Variants in PLXND1 observed in about 807,000 individuals in gnomAD.
PLXND1 encodes plexin D1.
A neutral mutation model predicts 197.7 loss-of-function variants in PLXND1; 54 were observed. The observed-to-expected ratio is 0.27, with a 90% CI of 0.22 to 0.34. The LOEUF is 0.34. Ranked by LOEUF, PLXND1 falls within the 10% of genes least tolerant of loss-of-function variation. PLXND1 has a pLI of 1.00. For missense variants in PLXND1, 2,127 were observed against 2,699.2 expected (o/e 0.79, Z 4.70); for synonymous variants, 1,180 against 1,161.2 (o/e 1.02, Z -0.33).
rs775895601 is a variant in PLXND1 at position 129,577,997 on chromosome 3, G to A, written c.2346+332C>T. Reference sequence around the variant, plus strand: ...CAGGGTCACAGCTCAGGCTAAGGGAGGACAGGATAGGGCAGCGTCCACCCT... The same window carrying A: ...CAGGGTCACAGCTCAGGCTAAGGGAAGACAGGATAGGGCAGCGTCCACCCT... On this transcript the variant is annotated intron_variant, in intron 9 of 35. Coordinates refer to ENST00000324093, the MANE Select transcript of PLXND1 (RefSeq NM_015103.3). This position sits in a 1 kb window ranked among gnomAD's most constrained non-coding sequence, Gnocchi z 5.0. Among the ~76,000 whole-genome samples, 1 of 152,194 alleles carries A rather than the reference G, an allele frequency of 6.6e-6. No homozygotes were observed. The highest frequency in any genetic ancestry group is 1.5e-5 in the Non-Finnish European group (1 of 68,020).
rs1450865448 is a variant in PLXND1 at position 129,561,686 on chromosome 3, G to A, written c.4953C>T (p.Ala1651=). 6.2e-7 allele frequency: 1 copy of A among 1,608,402 alleles called. No individual in the cohort carries two copies. The part of the protein sequence containing the change: ...HYKIPEGASL[A]MSLIDKKDNT... ...TGTCCTTCTTGTCTATGAGACTCAT[G>A]GCCAGGGAGGCACCTTCAGGGATCT... The change falls in exon 29 of 36, where the codon GCC becomes GCT. Residue 1651 remains alanine (A), a synonymous_variant. Coordinates refer to ENST00000324093, the MANE Select transcript of PLXND1 (RefSeq NM_015103.3).
chr3:129,556,198 C>T lies in PLXND1; in HGVS notation c.*114G>A, dbSNP rs1285492884. On this transcript the variant is annotated 3_prime_UTR_variant, in exon 36 of 36. Coordinates refer to ENST00000324093, the MANE Select transcript of PLXND1 (RefSeq NM_015103.3). ...CCCCTCCTCCTGCCCCCGCCCCAGC[C>T]GTCTCTGCTCAGTATTTCCCAGTCT... 5 of 778,018 alleles carry T rather than the reference C, an allele frequency of 6.4e-6. No individual in the cohort carries two copies. Among genetic ancestry groups the T allele is most frequent in the Admixed American group, 2.0e-5 (1 of 51,218 alleles). The allele number at this position is 778,018 out of a possible 1,614,324, so 48.2% of individuals were successfully genotyped here.
intron 1 of PLXND1, among the ~76,000 whole-genome samples, chr3:129,596,604 T>C (rs953462339): frequency 6.6e-6 from 1 of 152,126 alleles, no homozygotes; most frequent in Non-Finnish European, 1.5e-5. Context: ...CTGGAACAGT[T>C]TCCCTCCCAG....
At chr3:129,585,839 T>C (rs547599808) in intron 5 of PLXND1, 113 bp downstream of exon 5, 1 of 1,401,112 alleles carries the variant, frequency 7.1e-7, no homozygotes, top group East Asian at 2.3e-5. Flanking sequence ...ATTATTTGTC[T>C]TCAGGTCCTT....
chr3:129,595,327 C>G (rs1327371183), intron 1 of PLXND1, among the ~76,000 whole-genome samples: 1 of 152,232 alleles, frequency 6.6e-6, no homozygotes, highest in Non-Finnish European at 1.5e-5. Context: ...TGTGTGCCAG[C>G]CCTGGGAGGG....
chr3:129,561,746 G>T, intron 28 of PLXND1, 37 bp from the exon 29 acceptor site: 1 of 1,540,334 alleles, frequency 6.5e-7, no homozygotes. Flanking sequence ...AGAGGCCGGA[G>T]GTTGGGGTGG....
At chr3:129,592,248 G>C (rs994717709) in intron 1 of PLXND1, among the ~76,000 whole-genome samples, 1 of 152,152 alleles carries the variant, frequency 6.6e-6, no homozygotes, top group Non-Finnish European at 1.5e-5. Flanking sequence ...ACCAGGCGGG[G>C]TCCCACCCCT....
intron 1 of PLXND1, among the ~76,000 whole-genome samples, chr3:129,592,270 C>A (rs763023359): frequency 7.2e-5 from 11 of 152,330 alleles, no homozygotes; most frequent in Admixed American, 3.3e-4. Context: ...AGCAATCCTG[C>A]AGCTGCAGGG....
chr3:129,585,882 G>C, intron 5 of PLXND1, 70 bp downstream of exon 5: 1 of 1,599,460 alleles, frequency 6.3e-7, no homozygotes, highest in Non-Finnish European at 8.6e-7. Context: ...CCACCTCTCG[G>C]GGCCTGGGTG....
Position 129,559,794 on chromosome 3 carries a change from G to A in PLXND1, c.5134-11C>T, listed in dbSNP as rs1209926390. On this transcript the variant is annotated splice_polypyrimidine_tract_variant and intron_variant, in intron 31 of 35. Transcript: ENST00000324093. ...CTTCTGCAACGTGCCCTGCGGGGGA[G>A]TGGGGTGGCCGCCGTCAGCCCCGGG... 1.9e-6 allele frequency: 3 copies of A among 1,581,498 alleles called. No homozygotes were observed. The highest frequency in any genetic ancestry group is 2.3e-5 in the East Asian group (1 of 43,804).
chr3:129,593,507 A>T (rs945898904), intron 1 of PLXND1, among the ~76,000 whole-genome samples: 1 of 152,146 alleles, frequency 6.6e-6, no homozygotes, highest in Non-Finnish European at 1.5e-5. Context: ...TCAGCCCCCC[A>T]ACTCCTGTGA....
chr3:129,605,339 A>T lies in PLXND1; in HGVS notation c.1301T>A (p.Leu434His). 7.0e-7 allele frequency: 1 copy of T among 1,434,252 alleles called. No individual in the cohort carries two copies. The allele number at this position is 1,434,252 out of a possible 1,614,324, so 88.8% of individuals were successfully genotyped here. Residue 434 changes from leucine (L) to histidine (H), a missense_variant, in exon 1 of 36, where the codon CTC becomes CAC. By Grantham distance (99) the Leu-to-His change is moderately conservative (BLOSUM62 -3). Transcript: ENST00000324093. ...ACCGCCCGGGTGTACCTGGATGTTG[A>T]GCTTGCGCTCACAGGCCGGTCCCGT... ...QGTGPACERK[L>H]NIQLQPEQLD...
chr3:129,575,885 T>G (rs1010048153), intron 9 of PLXND1, 30 bp from the exon 10 acceptor site: 3 of 1,417,606 alleles, frequency 2.1e-6, no homozygotes, highest in Non-Finnish European at 3.0e-6. Flanking sequence ...GGAGGCGGGT[T>G]TGAGGAGAAC....
intron 1 of PLXND1, among the ~76,000 whole-genome samples, chr3:129,597,464 C>T (rs1158122782): frequency 6.6e-6 from 1 of 152,194 alleles, no homozygotes; most frequent in Non-Finnish European, 1.5e-5. Flanking sequence ...GGCCTCCACT[C>T]CAAGGCCTCT....
Position 129,583,600 on chromosome 3 carries a change from G to A in PLXND1, c.2208C>T (p.Asn736=), listed in dbSNP as rs1343222767. Residue 736 remains asparagine (N), a synonymous_variant, in exon 8 of 36, where the codon AAC becomes AAT. Transcript: ENST00000324093. ...TTGGTGAGGCCTCGCACCGAGACTG[G>A]TTGGAAACACAGGAGTGCTGCTGGC... is the stretch of plus-strand genomic sequence containing the variant. The part of the protein sequence containing the change: ...WCSQQHSCVS[N]QSRCEASPNP... 4 of 1,613,932 alleles carry A rather than the reference G, an allele frequency of 2.5e-6. No individual in the cohort carries two copies. The highest frequency in any genetic ancestry group is 3.4e-6 in the Non-Finnish European group (4 of 1,179,950).
intron 8 of PLXND1, among the ~76,000 whole-genome samples, chr3:129,581,226 T>C (rs2085383601): frequency 6.6e-6 from 1 of 152,194 alleles, no homozygotes; most frequent in Admixed American, 6.5e-5. Context: ...TGGCACTTCA[T>C]TAAATGCCAA....
chr3:129,587,940 G>A (rs530590081), intron 2 of PLXND1, among the ~76,000 whole-genome samples: 1 of 150,004 alleles, frequency 6.7e-6, no homozygotes, highest in East Asian at 1.9e-4. Flanking sequence ...CCTCTTGGCG[G>A]AGCCTTGCAG....
At chr3:129,565,262 G>A (rs2085120993) in intron 25 of PLXND1, 78 bp downstream of exon 25, 3 of 1,252,652 alleles carry the variant, frequency 2.4e-6, no homozygotes, top group African/African-American at 1.5e-5. Context: ...GGGAAGGCCT[G>A]GGAGGCCGTG....
intron 11 of PLXND1, 28 bp from the exon 12 acceptor site, chr3:129,574,518 GC>G: frequency 1.2e-6 from 2 of 1,604,048 alleles, no homozygotes; most frequent in South Asian, 2.2e-5. Flanking sequence ...AGCTCGGTCA[GC>G]CCCGCTCTGC....
Sources: gnomAD v4.1 joint callset for allele counts (sites outside exome capture counted in the v4.1 genomes callset) on GRCh38, gnomAD v4.1.1 for gene constraint, Gnocchi (gnomAD v3.1) non-coding constraint, MANE v1.5 for transcripts, NCBI Gene and HGNC (gene_info 2026-07-23, HGNC 2026-07-21) for gene names.